ERBB4: variants seen among roughly 807,000 people sequenced by gnomAD.
ERBB4 encodes erb-b2 receptor tyrosine kinase 4.
In ERBB4, 42 loss-of-function variants were observed where a neutral mutation model predicts 158.0. The ratio of observed to expected loss-of-function variants is 0.27; its 90% confidence interval spans 0.21 to 0.34. The LOEUF is 0.34. Ranked by LOEUF, ERBB4 falls within the 10% of genes least tolerant of loss-of-function variation. The probability of loss-of-function intolerance (pLI) is 1.00; values close to 1 mark genes in which losing one functional copy is unlikely to be tolerated. For missense variants in ERBB4, 1,333 were observed against 1,624.1 expected (o/e 0.82, Z 3.08); for synonymous variants, 583 against 558.7 (o/e 1.04, Z -0.61).
chr2:212,459,017 G>A (rs13420175), intron 1 of ERBB4, among the ~76,000 whole-genome samples: 4 of 152,068 alleles, frequency 2.6e-5, no homozygotes, highest in South Asian at 2.1e-4. Flanking sequence ...ATTTTCATTC[G>A]CTAATTAGCT....
chr2:212,456,855 T>G (rs186444068), intron 1 of ERBB4, among the ~76,000 whole-genome samples: 3 of 152,130 alleles, frequency 2.0e-5, no homozygotes, highest in Admixed American at 2.0e-4. Context: ...AAGCTGTAAT[T>G]TTCCCATTAA....
At chr2:212,129,985 T>A (rs919629040) in intron 1 of ERBB4, among the ~76,000 whole-genome samples, 19 of 152,084 alleles carry the variant, frequency 1.2e-4, no homozygotes, top group African/African-American at 4.6e-4. Flanking sequence ...TCATTTGTAG[T>A]TGTTTTTGTG....
intron 1 of ERBB4, among the ~76,000 whole-genome samples, chr2:212,165,924 C>T (rs936269639): frequency 6.6e-6 from 1 of 151,880 alleles, no homozygotes; most frequent in Non-Finnish European, 1.5e-5. Flanking sequence ...TTAATTTTTG[C>T]TTTAATCAAA....
At chr2:212,200,952 T>C (rs1280238622) in intron 1 of ERBB4, among the ~76,000 whole-genome samples, 1 of 152,194 alleles carries the variant, frequency 6.6e-6, no homozygotes, top group African/African-American at 2.4e-5. Context: ...AGTAGGGTAG[T>C]GCTTGTTTCT....
rs568738846 is a variant in ERBB4 at position 211,726,996 on chromosome 2, A to T, written c.623-1802T>A. Among the ~76,000 whole-genome samples the T allele has an allele frequency of 6.6e-5, 10 of 152,248 alleles. 1 individual carries two copies. The South Asian group carries it at 2.1e-3, about 32-fold the overall frequency. On this transcript the variant is annotated intron_variant, in intron 5 of 27. Transcript: ENST00000342788. ...CACAAGGCATTTCTCCATGTTAAAAATCCTTCCTAGCTTCTCAGCCTAGGA... is the reference window on the plus strand; with the variant it reads ...CACAAGGCATTTCTCCATGTTAAAATTCCTTCCTAGCTTCTCAGCCTAGGA...
intron 19 of ERBB4, among the ~76,000 whole-genome samples, chr2:211,600,581 C>T (rs564795069): frequency 1.3e-5 from 2 of 152,168 alleles, no homozygotes; most frequent in South Asian, 2.1e-4. Context: ...TTATAAATTG[C>T]TATTAAACTC....
intron 2 of ERBB4, among the ~76,000 whole-genome samples, chr2:212,110,921 A>G (rs564686259): frequency 6.6e-6 from 1 of 152,360 alleles, no homozygotes; most frequent in East Asian, 1.9e-4. Flanking sequence ...AAGTTTACTG[A>G]TAAATGTTTT....
intron 1 of ERBB4, among the ~76,000 whole-genome samples, chr2:212,370,995 T>C (rs1372026167): frequency 1.3e-5 from 2 of 152,164 alleles, no homozygotes; most frequent in African/African-American, 2.4e-5. Context: ...AAAAAGCTAT[T>C]ATTTGAAGAA....
intron 1 of ERBB4, among the ~76,000 whole-genome samples, chr2:212,340,393 A>G (rs1574720310): frequency 6.6e-6 from 1 of 152,256 alleles, no homozygotes; most frequent in East Asian, 1.9e-4. Context: ...TATTTCTATT[A>G]TTACTATTAT....
chr2:212,313,486 A>T (rs942831935), intron 1 of ERBB4, among the ~76,000 whole-genome samples: 10 of 150,742 alleles, frequency 6.6e-5, no homozygotes, highest in African/African-American at 2.4e-4. Flanking sequence ...TATATAACTA[A>T]CTCTACTGTA....
chr2:211,958,066 A>T (rs1454340886), intron 2 of ERBB4, among the ~76,000 whole-genome samples: 1 of 152,152 alleles, frequency 6.6e-6, no homozygotes, highest in Non-Finnish European at 1.5e-5. Flanking sequence ...AATCTCAGAA[A>T]TAAGAGAGCC....
At chr2:211,804,693 G>T (rs1047596803) in intron 3 of ERBB4, among the ~76,000 whole-genome samples, 2 of 151,988 alleles carry the variant, frequency 1.3e-5, no homozygotes, top group Non-Finnish European at 2.9e-5. Flanking sequence ...AATCAAATTG[G>T]AGTCCAAGGT....
intron 6 of ERBB4, among the ~76,000 whole-genome samples, chr2:211,722,764 A>C (rs542811753): frequency 3.3e-5 from 5 of 152,368 alleles, no homozygotes; most frequent in African/African-American, 1.2e-4. Context: ...GCCTGTATCC[A>C]GTAATTTCTA....
intron 3 of ERBB4, among the ~76,000 whole-genome samples, chr2:211,852,307 A>G (rs7570078): frequency 0.22 from 33,251 of 151,924 alleles, 3,773 homozygotes; most frequent in South Asian, 0.33. Context: ...GGCCAGTATT[A>G]GTACATTTTA....
intron 3 of ERBB4, among the ~76,000 whole-genome samples, chr2:211,871,283 G>C (rs2078337999): frequency 1.3e-5 from 2 of 152,086 alleles, no homozygotes; most frequent in Admixed American, 1.3e-4. Flanking sequence ...AGGATCACTT[G>C]AGCCCAGGAG....
intron 14 of ERBB4, among the ~76,000 whole-genome samples, chr2:211,668,757 C>G (rs975820572): frequency 6.6e-6 from 1 of 152,092 alleles, no homozygotes; most frequent in African/African-American, 2.4e-5. Flanking sequence ...TGGAATATAA[C>G]TAGAGGTGAC....
intron 12 of ERBB4, among the ~76,000 whole-genome samples, chr2:211,701,649 C>T (rs1575011938): frequency 1.3e-5 from 2 of 148,158 alleles, no homozygotes; most frequent in Admixed American, 1.4e-4. Context: ...TCCCAGCTAC[C>T]GGAGGCTGAG....
intron 1 of ERBB4, among the ~76,000 whole-genome samples, chr2:212,465,862 G>A (rs1336068462): frequency 1.3e-5 from 2 of 152,120 alleles, no homozygotes; most frequent in Admixed American, 6.5e-5. Context: ...AACTTCGAAT[G>A]TTAAGTGGAA....
intron 25 of ERBB4, among the ~76,000 whole-genome samples, chr2:211,413,776 G>A (rs2125385693): frequency 6.6e-6 from 1 of 152,090 alleles, no homozygotes; most frequent in East Asian, 1.9e-4. Flanking sequence ...TGACGACCAT[G>A]AAGAATTAGG....
Sources: allele counts gnomAD v4.1 joint callset (sites outside exome capture counted in the v4.1 genomes callset), GRCh38; gene constraint gnomAD v4.1.1; transcripts MANE v1.5; gene names NCBI Gene and HGNC (gene_info 2026-07-23, HGNC 2026-07-21).